EXOC4: variants seen among roughly 807,000 people sequenced by gnomAD.
EXOC4 encodes the protein exocyst complex component 4.
Under a neutral mutation model 107.2 loss-of-function variants are expected in EXOC4, and 71 were observed. The ratio of observed to expected loss-of-function variants is 0.66; its 90% CI spans 0.55 to 0.81. The LOEUF (loss-of-function observed/expected upper bound fraction) is 0.81, where lower values mean the gene tolerates loss of function less well. Among genes scored for constraint, EXOC4 ranks in the 30% least tolerant of loss-of-function variants. EXOC4 has a pLI of 0.00. For synonymous variants in EXOC4, 456 were observed against 441.2 expected (o/e 1.03, Z -0.42); for missense variants, 1,108 against 1,189.6 (o/e 0.93, Z 1.01).
At chr7:133,562,375 C>G (rs1173689834) in intron 9 of EXOC4, among the ~76,000 whole-genome samples, 2 of 152,124 alleles carry the variant, frequency 1.3e-5, no homozygotes, top group Non-Finnish European at 2.9e-5. Context: ...GCTCTGGTTC[C>G]TGGTTTCTGC....
intron 10 of EXOC4, among the ~76,000 whole-genome samples, chr7:133,784,111 A>T (rs1796520796): frequency 2.0e-5 from 3 of 152,150 alleles, no homozygotes; most frequent in Admixed American, 2.0e-4. Context: ...AATGCCGCTT[A>T]ATTTTTTAAA....
At chr7:133,610,409 T>C (rs1406183618) in intron 9 of EXOC4, among the ~76,000 whole-genome samples, 1 of 152,218 alleles carries the variant, frequency 6.6e-6, no homozygotes, top group East Asian at 1.9e-4. Flanking sequence ...TCATTACTTT[T>C]TCATGCCCTT....
intron 9 of EXOC4, among the ~76,000 whole-genome samples, chr7:133,494,164 A>G (rs557130501): frequency 6.6e-6 from 1 of 152,206 alleles, no homozygotes; most frequent in Non-Finnish European, 1.5e-5. Context: ...CGGATTGGGT[A>G]ATACGTTGGT....
chr7:134,052,449 T>C (rs538849482), intron 17 of EXOC4, among the ~76,000 whole-genome samples: 5 of 151,522 alleles, frequency 3.3e-5, no homozygotes, highest in Non-Finnish European at 7.4e-5. Context: ...AAGAAACCCC[T>C]CTTCTTCTGA....
chr7:134,001,627 T>A (rs1293036338), intron 15 of EXOC4, among the ~76,000 whole-genome samples: 1 of 152,220 alleles, frequency 6.6e-6, no homozygotes, highest in Non-Finnish European at 1.5e-5. Flanking sequence ...GTTGCTTCCA[T>A]TCTCTGCTAT....
At chr7:133,720,075 C>T (rs1420169012) in intron 10 of EXOC4, among the ~76,000 whole-genome samples, 1 of 152,158 alleles carries the variant, frequency 6.6e-6, no homozygotes, top group Non-Finnish European at 1.5e-5. Context: ...GTCTGTTTTT[C>T]TCACTGTATT....
intron 10 of EXOC4, among the ~76,000 whole-genome samples, chr7:133,756,141 A>G (rs886243865): frequency 2.0e-5 from 3 of 152,134 alleles, no homozygotes; most frequent in African/African-American, 4.8e-5. Flanking sequence ...ATATTTTTTC[A>G]TATTTCCATA....
At chr7:133,264,065 A>G (rs1793653075) in intron 1 of EXOC4, among the ~76,000 whole-genome samples, 1 of 152,188 alleles carries the variant, frequency 6.6e-6, no homozygotes, top group African/African-American at 2.4e-5. Flanking sequence ...GGGGCTGCAA[A>G]AGAAGTAGAA....
intron 11 of EXOC4, among the ~76,000 whole-genome samples, chr7:133,868,614 G>A (rs1008189452): frequency 6.6e-6 from 1 of 152,030 alleles, no homozygotes; most frequent in African/African-American, 2.4e-5. Flanking sequence ...TTGCCCCCAC[G>A]TCCAGATGTA....
intron 10 of EXOC4, among the ~76,000 whole-genome samples, chr7:133,635,782 G>A (rs928291017): frequency 3.3e-5 from 5 of 152,122 alleles, no homozygotes; most frequent in Admixed American, 6.6e-5. Flanking sequence ...GAAACCTTCC[G>A]AGTCCTCACA....
chr7:133,646,569 C>T (rs1452614619), intron 10 of EXOC4, among the ~76,000 whole-genome samples: 1 of 152,168 alleles, frequency 6.6e-6, no homozygotes, highest in Non-Finnish European at 1.5e-5. Flanking sequence ...ACCAAACCCA[C>T]TTCTGGGAAT....
At chr7:133,338,605 A>AAG (rs1181830519) in intron 5 of EXOC4, among the ~76,000 whole-genome samples, 4 of 147,552 alleles carry the variant, frequency 2.7e-5, no homozygotes, top group African/African-American at 7.5e-5. Context: ...GTCTCAAAAA[A>AAG]AAAAAAAAAA....
intron 5 of EXOC4, among the ~76,000 whole-genome samples, chr7:133,326,381 GT>G (rs1795241348): frequency 1.3e-5 from 2 of 152,160 alleles, no homozygotes; most frequent in African/African-American, 4.8e-5. Flanking sequence ...TACAGATGGG[GT>G]TTTGGTGTGG....
intron 10 of EXOC4, among the ~76,000 whole-genome samples, chr7:133,739,095 T>C (rs1387431678): frequency 6.6e-6 from 1 of 152,174 alleles, no homozygotes; most frequent in African/African-American, 2.4e-5. Flanking sequence ...TGGTGCCTTT[T>C]ATGAATTCCC....
intron 10 of EXOC4, among the ~76,000 whole-genome samples, chr7:133,748,726 G>A (rs1000641937): frequency 6.6e-6 from 1 of 152,150 alleles, no homozygotes; most frequent in Non-Finnish European, 1.5e-5. Context: ...CAAAAATGCA[G>A]CATTTGCGAG....
At chr7:133,901,432 C>T (rs1799449413) in intron 12 of EXOC4, among the ~76,000 whole-genome samples, 1 of 152,114 alleles carries the variant, frequency 6.6e-6, no homozygotes, top group African/African-American at 2.4e-5. Flanking sequence ...ATATGTTTTT[C>T]TAACTAGGAA....
intron 9 of EXOC4, among the ~76,000 whole-genome samples, chr7:133,586,288 C>T (rs576542080): frequency 7.9e-5 from 12 of 152,210 alleles, no homozygotes; most frequent in Admixed American, 2.6e-4. Context: ...TTCCTTGTCT[C>T]CATGTGTGCT....
intron 9 of EXOC4, among the ~76,000 whole-genome samples, chr7:133,573,254 A>G (rs1433117011): frequency 6.6e-6 from 1 of 152,212 alleles, no homozygotes; most frequent in Admixed American, 6.5e-5. Context: ...AAGCAACCGC[A>G]TTTTTACAGA....
rs527849396 is a variant in EXOC4, at chr7:133,866,700, G to A, written c.1735-28899G>A. On this transcript the variant is annotated intron_variant, in intron 11 of 17. Transcript: ENST00000253861. Reference sequence around the variant, plus strand: ...CATCGCTGGATCCAAGAGCCTATGTGCTCTAAAGCTTTGAGTTTTGAAAAA... The same window carrying A: ...CATCGCTGGATCCAAGAGCCTATGTACTCTAAAGCTTTGAGTTTTGAAAAA... Among the ~76,000 whole-genome samples the A allele has an allele frequency of 5.9e-4, 90 of 151,890 alleles. 1 individual carries two copies. The highest frequency in any genetic ancestry group is 2.1e-3 in the African/African-American group (88 of 41,212).
Sources: allele counts gnomAD v4.1 joint callset (sites outside exome capture counted in the v4.1 genomes callset), GRCh38; gene constraint gnomAD v4.1.1; transcripts MANE v1.5; gene names NCBI Gene and HGNC (gene_info 2026-07-23, HGNC 2026-07-21).